BABAM2: variants seen among roughly 807,000 people sequenced by gnomAD.
BABAM2 encodes BRISC and BRCA1 A complex member 2, also known as BRISC and BRCA1-A complex member 2.
BABAM2 carries 31 observed loss-of-function variants against 54.7 expected under a neutral mutation model. The ratio of observed to expected loss-of-function variants is 0.57; its 90% CI spans 0.43 to 0.77. BABAM2 has a LOEUF of 0.77. Among genes scored for constraint, BABAM2 ranks in the 30% least tolerant of loss-of-function variants. BABAM2 has a pLI of 0.00. For synonymous variants in BABAM2, 167 were observed against 162.9 expected, an observed-to-expected ratio of 1.03 and a Z score of -0.19; for missense variants, 364 against 455.8, an observed-to-expected ratio of 0.80 and a Z score of 1.83.
chr2:28,028,505 TTG>T (rs572567198), intron 5 of BABAM2, among the ~76,000 whole-genome samples: 58 of 152,150 alleles, frequency 3.8e-4, no homozygotes, highest in African/African-American at 1.3e-3. Flanking sequence ...ATTATGTTTA[TTG>T]TGTGTCTGTC....
chr2:28,099,799 T>G (rs1160554227), intron 6 of BABAM2, among the ~76,000 whole-genome samples: 2 of 152,186 alleles, frequency 1.3e-5, no homozygotes, highest in Non-Finnish European at 2.9e-5. Context: ...AACATTTCAC[T>G]CTGTTGTTGT....
chr2:27,930,544 A>G (rs1668020488), intron 3 of BABAM2, among the ~76,000 whole-genome samples: 1 of 152,204 alleles, frequency 6.6e-6, no homozygotes, highest in South Asian at 2.1e-4. Flanking sequence ...GAGAAGGTGG[A>G]CGTCTGAAGT....
intron 2 of BABAM2, among the ~76,000 whole-genome samples, chr2:27,924,609 C>T (rs1039387644): frequency 1.3e-5 from 2 of 152,154 alleles, no homozygotes; most frequent in Non-Finnish European, 2.9e-5. Context: ...GTCTTGAACT[C>T]CTGACCTCAG....
At chr2:28,082,834 G>C (rs182951529) in intron 6 of BABAM2, among the ~76,000 whole-genome samples, 1 of 151,902 alleles carries the variant, frequency 6.6e-6, no homozygotes, top group Non-Finnish European at 1.5e-5. Context: ...GATTCTGTTC[G>C]TTGCTGTGGA....
chr2:28,026,927 AAT>A (rs1191659821), intron 5 of BABAM2, among the ~76,000 whole-genome samples: 296 of 18,100 alleles, frequency 0.016, 10 homozygotes, highest in South Asian at 0.14. Context: ...AATATATATA[AAT>A]ATATATATAA....
intron 4 of BABAM2, chr2:28,016,315 CTTGGAGCCT>C (rs1674811404): frequency 9.4e-7 from 1 of 1,068,768 alleles, no homozygotes; most frequent in African/African-American, 1.6e-5. Flanking sequence ...CAACCAAACT[CTTGGAGCCT>C]TTCTTTTTCT....
intron 4 of BABAM2, among the ~76,000 whole-genome samples, chr2:27,989,961 T>C (rs1288619892): frequency 6.6e-6 from 1 of 152,186 alleles, no homozygotes; most frequent in Non-Finnish European, 1.5e-5. Context: ...TATAATTCTG[T>C]GTCAGACCTG....
intron 3 of BABAM2, among the ~76,000 whole-genome samples, chr2:27,935,507 A>G (rs1461242942): frequency 1.3e-5 from 2 of 152,364 alleles, no homozygotes; most frequent in Non-Finnish European, 2.9e-5. Context: ...GTTTCTTGAG[A>G]TCGAATCTAC....
chr2:28,276,561 C>G (rs1053565423), intron 10 of BABAM2, among the ~76,000 whole-genome samples: 4 of 152,180 alleles, frequency 2.6e-5, no homozygotes, highest in African/African-American at 9.7e-5. Flanking sequence ...ATTGAGCCTG[C>G]TGGTACACAT....
chr2:28,004,269 G>T (rs1489726456), intron 4 of BABAM2, among the ~76,000 whole-genome samples: 1 of 152,076 alleles, frequency 6.6e-6, no homozygotes, highest in Non-Finnish European at 1.5e-5. Flanking sequence ...AAAGGAAAAC[G>T]CCAGCTCAGC....
At chr2:27,988,165 A>G in intron 4 of BABAM2, 78 bp downstream of exon 4, 4 of 1,369,450 alleles carry the variant, frequency 2.9e-6, no homozygotes, top group East Asian at 2.3e-5. Context: ...GTTGCTTAAC[A>G]GATAGATTTG....
At chr2:28,180,765 A>C (rs1380341533) in intron 7 of BABAM2, among the ~76,000 whole-genome samples, 2 of 152,132 alleles carry the variant, frequency 1.3e-5, no homozygotes, top group Non-Finnish European at 2.9e-5. Flanking sequence ...AAACAACAGC[A>C]AAAAGAAAAA....
chr2:28,160,661 A>G (rs954123851), intron 7 of BABAM2, among the ~76,000 whole-genome samples: 24 of 151,800 alleles, frequency 1.6e-4, no homozygotes, highest in Admixed American at 1.3e-3. Flanking sequence ...ACTAGCATCT[A>G]GCATGTGCAA....
intron 7 of BABAM2, among the ~76,000 whole-genome samples, chr2:28,132,374 G>C (rs1011423385): frequency 6.6e-6 from 1 of 151,794 alleles, no homozygotes; most frequent in South Asian, 2.1e-4. Flanking sequence ...TCCTGACCTC[G>C]TGATCCACCC....
In BABAM2 at chr2:27,894,600, C is replaced by A. The variant is rs755361070; in HGVS notation, c.44C>A (p.Ser15Tyr). The change falls in exon 2 of 12, where the codon TCC becomes TAC. Residue 15 changes from serine (S) to tyrosine (Y), a missense_variant. Ser to Tyr is a moderately radical substitution (Grantham distance 144). Transcript: ENST00000379624. ...TTGAACCGAATATCTCCAATGCTCT[C>A]CCCTTTCATATCTAGCGTGGTCCGG... ...VALNRISPML[S>Y]PFISSVVRNG... is the part of the protein sequence containing the mutation. 2.5e-6 allele frequency: 4 copies of A among 1,614,016 alleles called. No individual in the cohort carries two copies. Among genetic ancestry groups the A allele is most frequent in the Non-Finnish European group, 1.7e-6 (2 of 1,179,902 alleles).
At chr2:28,267,047 G>A (rs1014729409) in intron 10 of BABAM2, among the ~76,000 whole-genome samples, 21 of 152,074 alleles carry the variant, frequency 1.4e-4, no homozygotes, top group Admixed American at 3.9e-4. Flanking sequence ...TCCCAGCTAC[G>A]TGGGAGGCTA....
intron 4 of BABAM2, among the ~76,000 whole-genome samples, chr2:28,008,051 A>G (rs1040730378): frequency 3.9e-5 from 6 of 152,150 alleles, no homozygotes; most frequent in Admixed American, 1.3e-4. Flanking sequence ...AATAACCCAT[A>G]ATGTCTAATG....
At position 28,187,762 on chromosome 2, in the gene BABAM2, G is replaced by A. The variant is rs541029282; in HGVS notation, c.681-49440G>A. 5.5e-5 allele frequency among the ~76,000 whole-genome samples: 8 copies of A among 145,614 alleles called. No individual in the cohort carries two copies. The East Asian group carries it at 1.5e-3, about 27-fold the overall frequency. ...TGACTCACTGCAACCTCTGCCTCCT[G>A]GGTTCAAGCGATTATCCTGCCTCAG... On this transcript the variant is annotated intron_variant, in intron 7 of 11. Coordinates refer to ENST00000379624, the MANE Select transcript of BABAM2 (RefSeq NM_199191.3).
At chr2:28,066,069 G>C (rs533829131) in intron 6 of BABAM2, among the ~76,000 whole-genome samples, 103 of 150,480 alleles carry the variant, frequency 6.8e-4, no homozygotes, top group Admixed American at 1.5e-3. Flanking sequence ...CGAGGTAGGA[G>C]AACCACTTGA....
Sources: allele counts gnomAD v4.1 joint callset (sites outside exome capture counted in the v4.1 genomes callset), GRCh38; gene constraint gnomAD v4.1.1; transcripts MANE v1.5; gene names NCBI Gene and HGNC (gene_info 2026-07-23, HGNC 2026-07-21).